Variants in MBTPS2 observed in about 807,000 individuals in gnomAD.
MBTPS2 encodes the protein membrane-bound transcription factor site-2 protease.
Under a neutral mutation model 35.4 loss-of-function variants are expected in MBTPS2, and 2 were observed. The ratio of observed to expected loss-of-function variants is 0.06; its 90% CI spans 0.02 to 0.18. MBTPS2 has a LOEUF of 0.18. Among genes scored for constraint, MBTPS2 ranks in the 10% least tolerant of loss-of-function variants. The pLI, the probability that MBTPS2 is intolerant of heterozygous loss-of-function variation, is 1.00. For missense variants in MBTPS2, 244 were observed against 386.5 expected, an observed-to-expected ratio of 0.63 and a Z score of 3.09; for synonymous variants, 125 against 140.4, an observed-to-expected ratio of 0.89 and a Z score of 0.77.
chrX:21,843,912 C>T lies in MBTPS2; in HGVS notation c.224+594C>T, dbSNP rs184252174. On this transcript the variant is annotated intron_variant, in intron 2 of 10. Transcript: ENST00000379484. ...GGTGGATTGCTTGAGGCCAGGAGTT[C>T]GAGACCAGCCTGGCCAACATGGTGA... 3.1e-3 allele frequency among the ~76,000 whole-genome samples: 342 copies of T among 109,105 alleles called. 1 individual carries two copies. Among genetic ancestry groups the T allele is most frequent in the African/African-American group, 0.011 (316 of 30,009 alleles). 94.7% of individuals were successfully genotyped at this position (109,105 alleles called of 115,157 possible).
In MBTPS2 at chrX:21,846,058, G is replaced by A. The variant is rs186410786; in HGVS notation, c.438+674G>A. On this transcript the variant is annotated intron_variant, in intron 3 of 10. Coordinates refer to ENST00000379484, the MANE Select transcript of MBTPS2 (RefSeq NM_015884.4). ...TGGAGTAGACTAAGGATTAGTAACA[G>A]ATTGGGTTTTTTTTTCTTGTCTCTT... Among the ~76,000 whole-genome samples the A allele has an allele frequency of 8.8e-3, 980 of 111,864 alleles. 8 individuals are homozygous for A. Among genetic ancestry groups the A allele is most frequent in the Middle Eastern group, 0.018 (4 of 217 alleles).
At chrX:21,855,364 CAA>C (rs902465728) in intron 5 of MBTPS2, among the ~76,000 whole-genome samples, 15 of 110,923 alleles carry the variant, frequency 1.4e-4, no homozygotes, top group Admixed American at 1.2e-3. Context: ...GAAATTAACC[CAA>C]GAGGCAATCA....
intron 3 of MBTPS2, among the ~76,000 whole-genome samples, chrX:21,846,448 A>C (rs2092908770): frequency 2.7e-5 from 3 of 111,888 alleles, no homozygotes; most frequent in Admixed American, 9.5e-5. Context: ...TCAGCTCACC[A>C]CAACCTCCGC....
At chrX:21,841,010 C>T (rs936513307) in intron 1 of MBTPS2, among the ~76,000 whole-genome samples, 2 of 112,150 alleles carry the variant, frequency 1.8e-5, no homozygotes, top group African/African-American at 6.5e-5. Flanking sequence ...GCACTTGCAT[C>T]ATTTCGGAGC....
chrX:21,840,245 T>A (rs1046536799), intron 1 of MBTPS2, among the ~76,000 whole-genome samples: 10 of 112,653 alleles, frequency 8.9e-5, no homozygotes, highest in African/African-American at 3.2e-4. Context: ...AAATCAGTAG[T>A]CTCAAATTTT....
intron 2 of MBTPS2, 96 bp from the exon 3 acceptor site, chrX:21,845,075 T>G: frequency 8.4e-7 from 1 of 1,186,142 alleles, no homozygotes; most frequent in Non-Finnish European, 1.1e-6. Context: ...TTTTAGCCAT[T>G]ATTTTAAAGC....
chrX:21,859,744 A>G (rs898185374), intron 5 of MBTPS2, among the ~76,000 whole-genome samples: 2 of 111,802 alleles, frequency 1.8e-5, no homozygotes, highest in African/African-American at 6.5e-5. Context: ...CAGAAATGCC[A>G]CTAAACATCC....
chrX:21,852,572 G>A (rs1437583279), intron 4 of MBTPS2, among the ~76,000 whole-genome samples: 2 of 108,812 alleles, frequency 1.8e-5, no homozygotes, highest in East Asian at 2.8e-4. Context: ...TAGACACATC[G>A]TTAATAACAG....
chrX:21,860,717 A>G (rs1372381022), intron 5 of MBTPS2, among the ~76,000 whole-genome samples: 2 of 111,922 alleles, frequency 1.8e-5, no homozygotes, highest in African/African-American at 6.5e-5. Context: ...TCATTTGTTC[A>G]TGTCTTGTTT....
chrX:21,870,418 AAAC>A (rs1279308538), intron 7 of MBTPS2: 3 of 111,749 alleles, frequency 2.7e-5, no homozygotes, highest in African/African-American at 9.7e-5. Context: ...CAGAACAGAT[AAAC>A]AACGATAGTT....
At chrX:21,844,563 G>A (rs2092906476) in intron 2 of MBTPS2, among the ~76,000 whole-genome samples, 1 of 111,852 alleles carries the variant, frequency 8.9e-6, no homozygotes, top group Admixed American at 9.5e-5. Flanking sequence ...GATTCTATAG[G>A]CATTAAAAAC....
At chrX:21,882,381 T>C (rs2092960423) in intron 10 of MBTPS2, 52 bp from the exon 11 acceptor site, 5 of 890,214 alleles carry the variant, frequency 5.6e-6, no homozygotes, top group Middle Eastern at 2.7e-4. Flanking sequence ...CATAGAAATA[T>C]GGTTTCTACT....
At position 21,882,652 on chromosome X, in the gene MBTPS2, G is replaced by A; in HGVS notation, c.1557G>A (p.Arg519=). 8.3e-7 allele frequency: 1 copy of A among 1,209,527 alleles called. No homozygotes were observed. Among genetic ancestry groups the A allele is most frequent in the Non-Finnish European group, 1.1e-6 (1 of 893,737 alleles). The change falls in exon 11 of 11, where the codon CGG becomes CGA. Residue 519 remains arginine (R), a synonymous_variant. Coordinates refer to ENST00000379484, the MANE Select transcript of MBTPS2 (RefSeq NM_015884.4). ...VTLGLWMVTA[R] ...TGGGACTCTGGATGGTTACAGCACG[G>A]TAATGTTTGCACTCATCTGACAGAA...
intron 3 of MBTPS2, 44 bp downstream of exon 3, chrX:21,845,428 T>C: frequency 9.0e-7 from 1 of 1,113,125 alleles, no homozygotes; most frequent in Non-Finnish European, 1.2e-6. Context: ...GAAATAGAGA[T>C]GCAAGATACC....
intron 1 of MBTPS2, 61 bp downstream of exon 1, chrX:21,839,870 C>T: frequency 9.5e-7 from 1 of 1,055,514 alleles, no homozygotes; most frequent in Non-Finnish European, 1.3e-6. Context: ...GCAAGGCCTT[C>T]TTTTCTCTTC....
chrX:21,846,301 C>A (rs190811614), intron 3 of MBTPS2, among the ~76,000 whole-genome samples: 65 of 111,940 alleles, frequency 5.8e-4, no homozygotes, highest in Non-Finnish European at 1.7e-4. Flanking sequence ...GGTCACAGCT[C>A]ATAACTAGTA....
intron 5 of MBTPS2, chrX:21,857,894 C>T: frequency 8.4e-6 from 2 of 237,203 alleles, no homozygotes; most frequent in East Asian, 1.5e-4. Flanking sequence ...CATCAAGAGA[C>T]GGTTCTTACA....
chrX:21,848,265 C>G (rs1037972484), intron 3 of MBTPS2, among the ~76,000 whole-genome samples: 1 of 110,134 alleles, frequency 9.1e-6, no homozygotes, highest in Non-Finnish European at 1.9e-5. Flanking sequence ...ACTAAAAATA[C>G]AAAATTAGCC....
At chrX:21,845,444 T>C (rs1416807485) in intron 3 of MBTPS2, 60 bp downstream of exon 3, 1 of 1,045,246 alleles carries the variant, frequency 9.6e-7, no homozygotes, top group Non-Finnish European at 1.3e-6. Context: ...ATACCACTTA[T>C]GATCTAGTGT....
Sources: gnomAD v4.1 joint callset for allele counts (sites outside exome capture counted in the v4.1 genomes callset) on GRCh38, gnomAD v4.1.1 for gene constraint, MANE v1.5 for transcripts, NCBI Gene and HGNC (gene_info 2026-07-23, HGNC 2026-07-21) for gene names.